Variants in ARID2 observed in about 807,000 individuals in gnomAD.
ARID2 encodes AT-rich interaction domain 2.
A neutral mutation model predicts 184.6 loss-of-function variants in ARID2; 32 were observed. That is an observed-to-expected ratio of 0.17 (90% confidence interval 0.13 to 0.23). ARID2 has a LOEUF of 0.23. ARID2 is among the 10% of genes least tolerant of loss of function. ARID2 has a pLI of 1.00. For synonymous variants in ARID2, 836 were observed against 772.6 expected, an observed-to-expected ratio of 1.08 and a Z score of -1.36; for missense variants, 1,696 against 2,197.6, an observed-to-expected ratio of 0.77 and a Z score of 4.56.
At position 45,861,717 on chromosome 12, in the gene ARID2, T is replaced by C. The variant is rs1029784865; in HGVS notation, c.4922+768T>C. On this transcript the variant is annotated intron_variant, in intron 16 of 20. Coordinates refer to ENST00000334344, the MANE Select transcript of ARID2 (RefSeq NM_152641.4). Reference sequence around the variant, plus strand: ...CTTTTGCCTCAGCTTCTTGAGTAGCTGGGATTACAGGCATGTGCCACCATC... The same window carrying C: ...CTTTTGCCTCAGCTTCTTGAGTAGCCGGGATTACAGGCATGTGCCACCATC... Among the ~76,000 whole-genome samples the C allele has an allele frequency of 4.6e-5, 7 of 151,930 alleles. No individual in the cohort carries two copies. The South Asian group carries it at 6.2e-4, about 14-fold the overall frequency.
chr12:45,811,696 A>G (rs1942711698), intron 4 of ARID2, 145 bp downstream of exon 4: 5 of 828,994 alleles, frequency 6.0e-6, no homozygotes, highest in East Asian at 3.1e-5. Context: ...TTGACATCTA[A>G]TTGGTATCAG....
At chr12:45,894,975 C>T (rs1171489418) in intron 20 of ARID2, among the ~76,000 whole-genome samples, 1 of 152,148 alleles carries the variant, frequency 6.6e-6, no homozygotes, top group Non-Finnish European at 1.5e-5. Context: ...CTAGAATGCC[C>T]TCCTCCCTGC....
At chr12:45,750,268 T>C (rs1192025886) in intron 3 of ARID2, among the ~76,000 whole-genome samples, 1 of 152,012 alleles carries the variant, frequency 6.6e-6, no homozygotes, top group Non-Finnish European at 1.5e-5. Flanking sequence ...GTCAGTGGAG[T>C]AGTCAGAACA....
intron 20 of ARID2, among the ~76,000 whole-genome samples, chr12:45,901,418 C>T (rs1944456659): frequency 6.6e-6 from 1 of 151,926 alleles, no homozygotes; most frequent in Non-Finnish European, 1.5e-5. Flanking sequence ...GATCCGCCCT[C>T]CTCAGCCTCC....
chr12:45,767,973 G>A (rs992440926), intron 3 of ARID2, among the ~76,000 whole-genome samples: 3 of 152,244 alleles, frequency 2.0e-5, no homozygotes, highest in African/African-American at 4.8e-5. Flanking sequence ...ATTTGGTCTC[G>A]AAAAATGGTC....
At chr12:45,897,695 G>T (rs978838095) in intron 20 of ARID2, among the ~76,000 whole-genome samples, 3 of 152,168 alleles carry the variant, frequency 2.0e-5, no homozygotes, top group Admixed American at 1.3e-4. Context: ...ACAAAAATTG[G>T]TGTGGAAGCA....
At chr12:45,899,683 ATATATATATGGTTATATATATATATGGT>A in intron 20 of ARID2, among the ~76,000 whole-genome samples, 3 of 128,512 alleles carry the variant, frequency 2.3e-5, no homozygotes, top group Admixed American at 7.9e-5. Context: ...ATATATGGTT[ATATATATATGGTTATATATATATATGGT>A]TATATATATA....
chr12:45,852,602 A>G lies in ARID2; in HGVS notation c.4479A>G (p.Val1493=). The G allele has an allele frequency of 1.2e-6, 2 of 1,614,222 alleles. No individual in the cohort carries two copies. Among genetic ancestry groups the G allele is most frequent in the Non-Finnish European group, 1.7e-6 (2 of 1,180,018 alleles). The change falls in exon 15 of 21, where the codon GTA becomes GTG. Residue 1493 remains valine, a synonymous_variant. Coordinates refer to ENST00000334344, the MANE Select transcript of ARID2 (RefSeq NM_152641.4). ...CAGTTCCCGACTCAGGATCAAAAGT[A>G]TCCCATTCTCCTGCCCTATCATCTG... is the stretch of plus-strand genomic sequence containing the variant. ...IIAVPDSGSK[V]SHSPALSSDV...
rs1435112713 is a variant in ARID2 at position 45,729,824 on chromosome 12, C to G, written c.-13C>G. On this transcript the variant is annotated 5_prime_UTR_variant, in exon 1 of 21. Transcript: ENST00000334344. ...CCGATCTGGGTTTTTTAAAAACCTC[C>G]TTTGAAAAAATAATGGCAAACTCGA... The G allele has an allele frequency of 4.4e-6, 7 of 1,602,810 alleles. No homozygotes were observed. Among genetic ancestry groups the G allele is most frequent in the Non-Finnish European group, 6.0e-6 (7 of 1,175,106 alleles).
At chr12:45,866,385 T>C (rs1943832015) in intron 16 of ARID2, among the ~76,000 whole-genome samples, 1 of 152,186 alleles carries the variant, frequency 6.6e-6, no homozygotes, top group Non-Finnish European at 1.5e-5. Context: ...TAAGGGTATT[T>C]AGGATTTTAG....
chr12:45,833,335 C>A (rs1943157340), intron 6 of ARID2, among the ~76,000 whole-genome samples: 1 of 151,992 alleles, frequency 6.6e-6, no homozygotes, highest in East Asian at 1.9e-4. Context: ...ATTTGATTGT[C>A]CTATATTATC....
intron 11 of ARID2, 72 bp from the exon 12 acceptor site, chr12:45,846,784 C>T (rs1943450160): frequency 1.4e-6 from 2 of 1,405,092 alleles, no homozygotes; most frequent in Non-Finnish European, 1.0e-6. Context: ...GGTTCAATAT[C>T]CATAAAAAAA....
chr12:45,862,500 A>G (rs1232763060), intron 16 of ARID2, among the ~76,000 whole-genome samples: 1 of 152,028 alleles, frequency 6.6e-6, no homozygotes, highest in East Asian at 1.9e-4. Flanking sequence ...CATGGCAAAT[A>G]GTAGTTGATG....
At chr12:45,871,440 G>T (rs1020011063) in intron 16 of ARID2, among the ~76,000 whole-genome samples, 1 of 152,206 alleles carries the variant, frequency 6.6e-6, no homozygotes, top group African/African-American at 2.4e-5. Flanking sequence ...CCAGCCTTGT[G>T]TCCCTGTAAT....
intron 20 of ARID2, chr12:45,904,338 C>T (rs888724675): frequency 4.2e-6 from 3 of 715,774 alleles, no homozygotes; most frequent in Admixed American, 2.0e-5. Flanking sequence ...TCTAAATTTT[C>T]TAGAAACATG....
intron 16 of ARID2, among the ~76,000 whole-genome samples, chr12:45,866,780 T>C (rs1260963142): frequency 6.6e-6 from 1 of 152,192 alleles, no homozygotes; most frequent in African/African-American, 2.4e-5. Flanking sequence ...CCCACAAATA[T>C]TACATCTTTA....
At chr12:45,902,641 C>T (rs1944474401) in intron 20 of ARID2, among the ~76,000 whole-genome samples, 1 of 151,488 alleles carries the variant, frequency 6.6e-6, no homozygotes, top group Admixed American at 6.6e-5. Flanking sequence ...AAGCGATTCT[C>T]CTGCCTCAGC....
chr12:45,870,970 A>G (rs1190230253), intron 16 of ARID2, among the ~76,000 whole-genome samples: 2 of 152,166 alleles, frequency 1.3e-5, no homozygotes, highest in Non-Finnish European at 2.9e-5. Context: ...CATTTGGGCA[A>G]ACACCTAGGA....
chr12:45,788,389 A>T (rs1032741357), intron 3 of ARID2, among the ~76,000 whole-genome samples: 23 of 152,288 alleles, frequency 1.5e-4, no homozygotes, highest in Middle Eastern at 3.4e-3. Context: ...GATAAATGGC[A>T]GCATTGGGAT....
Sources: gnomAD v4.1 joint callset for allele counts (sites outside exome capture counted in the v4.1 genomes callset) on GRCh38, gnomAD v4.1.1 for gene constraint, MANE v1.5 for transcripts, NCBI Gene and HGNC (gene_info 2026-07-23, HGNC 2026-07-21) for gene names.